Variants in BAIAP3 observed in about 807,000 individuals in gnomAD.
The protein encoded by BAIAP3 is BAI1-associated protein 3.
BAIAP3 carries 180 observed loss-of-function variants against 149.7 expected under a neutral mutation model. The ratio of observed to expected loss-of-function variants is 1.20; its 90% confidence interval spans 1.07 to 1.36. The LOEUF is 1.36. Among genes scored for constraint, BAIAP3 ranks in the 40% most tolerant of loss-of-function variants. The pLI, the probability that BAIAP3 is intolerant of heterozygous loss-of-function variation, is 0.00. For missense variants in BAIAP3, 1,767 were observed against 1,563.4 expected (o/e 1.13, Z -2.20); for synonymous variants, 845 against 670.7 (o/e 1.26, Z -4.02).
rs1344382671 is a variant in BAIAP3, at chr16:1,343,393, G to C, written c.1266G>C (p.Leu422=). 1 of 1,570,794 alleles carries C rather than the reference G, an allele frequency of 6.4e-7. No homozygotes were observed. The highest frequency in any genetic ancestry group is 8.6e-7 in the Non-Finnish European group (1 of 1,160,020). ...SNLSPLQLAV[L]HWQVSSRHHQ... is the part of the protein sequence containing the mutation. ...TTTGACCATGGGCCGGGCCCCACAG[G>C]CACTGGCAGGTCAGCAGCCGCCACC... The change falls in exon 15 of 34, where the codon CTG becomes CTC. Residue 422 remains leucine (L), a splice_region_variant and synonymous_variant. Coordinates refer to ENST00000426824, the MANE Select transcript of BAIAP3 (RefSeq NM_001199097.2).
intron 15 of BAIAP3, 91 bp downstream of exon 15, chr16:1,343,604 C>T (rs953677375): frequency 6.6e-6 from 10 of 1,525,926 alleles, no homozygotes; most frequent in Non-Finnish European, 8.9e-6. Flanking sequence ...GGGCAGAGTC[C>T]TGCCCGCGTG....
At position 1,340,715 on chromosome 16, in the gene BAIAP3, G is replaced by A. The variant is rs73485656; in HGVS notation, c.409-207G>A. Among the ~76,000 whole-genome samples the A allele has an allele frequency of 7.2e-3, 1,092 of 152,342 alleles. 14 individuals are homozygous for A. Among genetic ancestry groups the A allele is most frequent in the African/African-American group, 0.025 (1,044 of 41,580 alleles). On this transcript the variant is annotated intron_variant, in intron 5 of 33. Coordinates refer to ENST00000426824, the MANE Select transcript of BAIAP3 (RefSeq NM_001199097.2). ...CCCCCATTCCCACGCATGCACTTGC[G>A]TGGCCCTCATCACACCCACCATCTC...
At chr16:1,344,722 T>C in intron 19 of BAIAP3, 24 bp downstream of exon 19, 1 of 1,607,458 alleles carries the variant, frequency 6.2e-7, no homozygotes, top group Non-Finnish European at 8.5e-7. Context: ...CTCAGTGCTG[T>C]CCTGGGGCTG....
chr16:1,341,815 C>G lies in BAIAP3; in HGVS notation c.732-7C>G. 1.9e-6 allele frequency: 3 copies of G among 1,612,218 alleles called. No homozygotes were observed. The highest frequency in any genetic ancestry group is 2.5e-6 in the Non-Finnish European group (3 of 1,179,664). Reference sequence around the variant, plus strand: ...GACCCTCATGGGCATCTCTGTTCTCCTTGTAGCGAGATTGAGGATGTGAGC... The same window carrying G: ...GACCCTCATGGGCATCTCTGTTCTCGTTGTAGCGAGATTGAGGATGTGAGC... On this transcript the variant is annotated splice_polypyrimidine_tract_variant and splice_region_variant and intron_variant, in intron 8 of 33. Transcript: ENST00000426824.
At chr16:1,343,680 C>T (rs1447169030) in intron 15 of BAIAP3, among the ~76,000 whole-genome samples, 167 bp downstream of exon 15, 2 of 152,214 alleles carry the variant, frequency 1.3e-5, no homozygotes, top group Admixed American at 6.5e-5. Flanking sequence ...AGAAAGGAGA[C>T]GGGAGACTCG....
Position 1,342,826 on chromosome 16 carries a change from G to A in BAIAP3, c.1161+12G>A, listed in dbSNP as rs2034016688. The A allele has an allele frequency of 1.2e-6, 2 of 1,612,582 alleles. No individual in the cohort carries two copies. The highest frequency in any genetic ancestry group is 1.7e-6 in the Non-Finnish European group (2 of 1,179,954). On this transcript the variant is annotated intron_variant, in intron 13 of 33. Transcript: ENST00000426824. ...ACTCAGCAGAGGAGGTAGTGGGTGC[G>A]CCTAGGATTGGAACAGCCCGGCAGG...
chr16:1,345,442 AC>A, intron 22 of BAIAP3, 70 bp downstream of exon 22: 1 of 1,382,094 alleles, frequency 7.2e-7, no homozygotes. Flanking sequence ...CTCCCCAGCA[AC>A]CCCAGCCTCC....
At position 1,344,670 on chromosome 16, in the gene BAIAP3, TAC is replaced by T. The variant is rs1429200797; in HGVS notation, c.1731_1732del (p.Tyr577Ter). On this transcript the variant is annotated frameshift_variant, in exon 19 of 34. Transcript: ENST00000426824. LOFTEE classifies it high-confidence loss of function. Reference sequence around the variant, plus strand: ...CGTCTATGATGACCTTCAGTTCTGCTACAGTGTGTACGCCAGCCTCTTCCACA... The same window carrying T: ...CGTCTATGATGACCTTCAGTTCTGCTAGTGTGTACGCCAGCCTCTTCCACA... ...DAVYDDLQFCYSVYASLFHSI... is the reference protein window; with the variant it reads ...DAVYDDLQFCXSVYASLFHSI... 3 of 1,613,518 alleles carry T rather than the reference TAC, an allele frequency of 1.9e-6. No individual in the cohort carries two copies. The Admixed American group carries it at 5.0e-5, about 27-fold the overall frequency.
chr16:1,346,853 G>A lies in BAIAP3; in HGVS notation c.2649G>A (p.Leu883=), dbSNP rs2034410443. Residue 883 remains leucine (L), a synonymous_variant, in exon 28 of 34, where the codon CTG becomes CTA. Coordinates refer to ENST00000426824, the MANE Select transcript of BAIAP3 (RefSeq NM_001199097.2). ...CACTGATGCTGCCCTGCAGGGTGCT[G>A]GAGGCCCTGTGGGAGCTACTCCTCC... ...SLVKGNLSRV[L]EALWELLLQA... 2 of 1,602,916 alleles carry A rather than the reference G, an allele frequency of 1.2e-6. No homozygotes were observed. The highest frequency in any genetic ancestry group is 4.5e-5 in the East Asian group (2 of 44,664).
Position 1,347,877 on chromosome 16 carries a change from CGACTG to C in BAIAP3, c.3026-16_3026-12del. The C allele has an allele frequency of 6.2e-7, 1 of 1,610,320 alleles. No individual in the cohort carries two copies. Among genetic ancestry groups the C allele is most frequent in the Non-Finnish European group, 8.5e-7 (1 of 1,179,450 alleles). ...GGTGGGATGGGGGCAGGGGGGCTCA[CGACTG>C]TGCTCCTGCAGGCTTAAGTGACCCC... On this transcript the variant is annotated splice_polypyrimidine_tract_variant and intron_variant, in intron 31 of 33. Coordinates refer to ENST00000426824, the MANE Select transcript of BAIAP3 (RefSeq NM_001199097.2).
At chr16:1,341,254 G>A (rs1388341575) in intron 7 of BAIAP3, 40 bp from the exon 8 acceptor site, 2 of 1,606,544 alleles carry the variant, frequency 1.2e-6, no homozygotes, top group East Asian at 2.2e-5. Flanking sequence ...TGGAGGGCCA[G>A]AGGGCGTGGG....
intron 1 of BAIAP3, among the ~76,000 whole-genome samples, chr16:1,337,497 T>G (rs1222862348): frequency 6.6e-6 from 1 of 152,214 alleles, no homozygotes; most frequent in African/African-American, 2.4e-5. Flanking sequence ...CACTTGAACC[T>G]GGAGGTGGAG....
In BAIAP3 at chr16:1,339,170, C is replaced by T. The variant is rs774263257; in HGVS notation, c.226C>T (p.Leu76=). The change falls in exon 4 of 34, where the codon CTG becomes TTG. Residue 76 remains leucine (L), a synonymous_variant. Transcript: ENST00000426824. ...CCCTGGGCCCCACACACAGGTCCCC[C>T]TGCGCAGTGGCTCGCCAGCACCCCC... ...RQGLPCLEVP[L]RSGSPAPPEP... is the part of the protein sequence containing the mutation. The T allele has an allele frequency of 6.4e-7, 1 of 1,567,750 alleles. No homozygotes were observed. Among genetic ancestry groups the T allele is most frequent in the South Asian group, 1.2e-5 (1 of 86,156 alleles).
intron 5 of BAIAP3, among the ~76,000 whole-genome samples, chr16:1,340,186 CA>C (rs2033807959): frequency 1.1e-5 from 1 of 92,748 alleles, no homozygotes; most frequent in Non-Finnish European, 2.0e-5. Context: ...CAGGTGCACA[CA>C]GACACACGCA....
Position 1,349,090 on chromosome 16 carries a change from G to A in BAIAP3, c.*608G>A. On this transcript the variant is annotated 3_prime_UTR_variant, in exon 34 of 34. Coordinates refer to ENST00000426824, the MANE Select transcript of BAIAP3 (RefSeq NM_001199097.2). ...GGACGTCACCCAAGGCTGGTGGTCA[G>A]TGTGAAGGGCTCCGTGCCAACTGGT... The A allele has an allele frequency of 2.8e-6, 1 of 361,654 alleles. No individual in the cohort carries two copies. Among genetic ancestry groups the A allele is most frequent in the East Asian group, 7.2e-5 (1 of 13,862 alleles). 22.4% of individuals were successfully genotyped at this position (361,654 alleles called of 1,614,324 possible).
intron 1 of BAIAP3, among the ~76,000 whole-genome samples, chr16:1,337,894 C>T (rs2033577436): frequency 6.6e-6 from 1 of 152,198 alleles, no homozygotes; most frequent in Admixed American, 6.5e-5. Context: ...CTGTCCACCT[C>T]AGGTTTGCTG....
At position 1,346,350 on chromosome 16, in the gene BAIAP3, C is replaced by T. The variant is rs1166729758; in HGVS notation, c.2482C>T (p.Leu828=). The T allele has an allele frequency of 5.0e-6, 8 of 1,607,662 alleles. No homozygotes were observed. Among genetic ancestry groups the T allele is most frequent in the Non-Finnish European group, 6.8e-6 (8 of 1,175,828 alleles). ...QREAHTVTAH[L]TSKMVGDIRK... ...GGAGGCCCACACGGTGACAGCGCAC[C>T]TGACCTCTAAGGTGGGTGGGGCCTG... The change falls in exon 25 of 34, where the codon CTG becomes TTG. Residue 828 remains leucine (L), a synonymous_variant. Transcript: ENST00000426824.
At chr16:1,340,181 G>C (rs2033807017) in intron 5 of BAIAP3, among the ~76,000 whole-genome samples, 2 of 94,944 alleles carry the variant, frequency 2.1e-5, no homozygotes, top group Admixed American at 9.6e-5. Context: ...GGCTGCAGGT[G>C]CACACAGACA....
Position 1,342,706 on chromosome 16 carries a change from C to G in BAIAP3, c.1066-13C>G, listed in dbSNP as rs2141591857. On this transcript the variant is annotated splice_polypyrimidine_tract_variant and intron_variant, in intron 12 of 33. Transcript: ENST00000426824. ...GGGGCAGAGCTGGTGACTGGGTGGG[C>G]TCTGCGTTGCAGAGGGATACGGCCA... 1.2e-6 allele frequency: 2 copies of G among 1,612,156 alleles called. No homozygotes were observed. Among genetic ancestry groups the G allele is most frequent in the Non-Finnish European group, 8.5e-7 (1 of 1,179,910 alleles).
Sources: gnomAD v4.1 joint callset for allele counts (sites outside exome capture counted in the v4.1 genomes callset) on GRCh38, gnomAD v4.1.1 for gene constraint, MANE v1.5 for transcripts, NCBI Gene and HGNC (gene_info 2026-07-23, HGNC 2026-07-21) for gene names.